The following BCAS3 variants were observed in gnomAD, a reference collection of about 807,000 sequenced individuals.
BCAS3 encodes BCAS3 microtubule associated cell migration factor, also known as BCAS4/BCAS3 fusion.
Under a neutral mutation model 116.1 loss-of-function variants are expected in BCAS3, and 53 were observed. That is an observed-to-expected ratio of 0.46 (90% CI 0.37 to 0.57). The LOEUF is 0.57. BCAS3 is among the 20% of genes least tolerant of loss of function. BCAS3 has a pLI of 0.00. For missense variants in BCAS3, 917 were observed against 1,165.4 expected, an observed-to-expected ratio of 0.79 and a Z score of 3.10; for synonymous variants, 391 against 408.2, an observed-to-expected ratio of 0.96 and a Z score of 0.51.
intron 4 of BCAS3, among the ~76,000 whole-genome samples, chr17:60,705,199 G>T (rs1346959728): frequency 6.6e-6 from 1 of 152,014 alleles, no homozygotes; most frequent in Non-Finnish European, 1.5e-5. Context: ...TGACTTACAG[G>T]ATTTACGATA....
chr17:60,814,306 T>TGC (rs1555731469), intron 7 of BCAS3, among the ~76,000 whole-genome samples: 38 of 148,192 alleles, frequency 2.6e-4, no homozygotes, highest in Non-Finnish European at 4.2e-4. Flanking sequence ...TGTGTGTGTG[T>TGC]GCGCGCGTGC....
At chr17:60,793,521 C>T (rs1357895982) in intron 6 of BCAS3, among the ~76,000 whole-genome samples, 2 of 152,154 alleles carry the variant, frequency 1.3e-5, no homozygotes, top group Non-Finnish European at 2.9e-5. Context: ...GTATACACTA[C>T]ACCATATTTG....
chr17:61,000,971 T>C lies in BCAS3; in HGVS notation c.1486+10736T>C, dbSNP rs2191184. Among the ~76,000 whole-genome samples, 1,069 of 152,276 alleles carry C rather than the reference T, an allele frequency of 7.0e-3. 8 individuals carry two copies. The highest frequency in any genetic ancestry group is 0.024 in the Middle Eastern group (7 of 294). Reference sequence around the variant, plus strand: ...CCATTTTAGGTTCAAAAATATAGAGTTCACTGTGTCATGGGACTTAGAAGG... The same window carrying C: ...CCATTTTAGGTTCAAAAATATAGAGCTCACTGTGTCATGGGACTTAGAAGG... On this transcript the variant is annotated intron_variant, in intron 15 of 23. Transcript: ENST00000407086.
At chr17:61,334,301 T>G (rs2056527973) in intron 22 of BCAS3, among the ~76,000 whole-genome samples, 1 of 152,216 alleles carries the variant, frequency 6.6e-6, no homozygotes, top group Non-Finnish European at 1.5e-5. Context: ...GGGCAAGTTA[T>G]GTAACTTCTC....
At chr17:61,201,183 C>T (rs2080795348) in intron 22 of BCAS3, among the ~76,000 whole-genome samples, 1 of 152,228 alleles carries the variant, frequency 6.6e-6, no homozygotes, top group African/African-American at 2.4e-5. Context: ...GACTACCTGG[C>T]ATTCGCAGGT....
At chr17:61,321,706 G>A (rs577073222) in intron 22 of BCAS3, among the ~76,000 whole-genome samples, 3 of 152,246 alleles carry the variant, frequency 2.0e-5, no homozygotes, top group South Asian at 2.1e-4. Flanking sequence ...CTAGGAAGGC[G>A]AGCCAGCAAA....
intron 8 of BCAS3, among the ~76,000 whole-genome samples, chr17:60,872,383 TA>T (rs1214770188): frequency 1.3e-5 from 2 of 151,632 alleles, no homozygotes; most frequent in Non-Finnish European, 2.9e-5. Flanking sequence ...TATCTGTATG[TA>T]TATACACACA....
At position 61,139,908 on chromosome 17, in the gene BCAS3, G is replaced by A. The variant is rs564974144; in HGVS notation, c.2425+55344G>A. The stretch of plus-strand genomic sequence containing the variant: ...AGGAATACGTGGAATTTTGGCAGGA[G>A]AAGATTGAGGAAAGGGATACCTACT... On this transcript the variant is annotated intron_variant, in intron 22 of 23. Transcript: ENST00000407086. The surrounding 1 kb of genome is among the most constrained non-coding windows in gnomAD (Gnocchi z 4.7). Among the ~76,000 whole-genome samples, 35 of 152,310 alleles carry A rather than the reference G, an allele frequency of 2.3e-4. No individual in the cohort carries two copies. Among genetic ancestry groups the A allele is most frequent in the African/African-American group, 8.4e-4 (35 of 41,576 alleles).
chr17:60,889,100 T>C (rs1010669807), intron 9 of BCAS3, among the ~76,000 whole-genome samples: 3 of 152,210 alleles, frequency 2.0e-5, no homozygotes, highest in Admixed American at 2.0e-4. Context: ...AACAATTAAC[T>C]GTTGTTATTG....
intron 23 of BCAS3, among the ~76,000 whole-genome samples, chr17:61,386,426 C>T (rs538553526): frequency 6.6e-6 from 1 of 152,364 alleles, no homozygotes; most frequent in Admixed American, 6.5e-5. Flanking sequence ...ATCCTACTCC[C>T]ACCAGTCAGC....
At position 61,017,288 on chromosome 17, in the gene BCAS3, CA is replaced by C. The variant is rs2065524178; in HGVS notation, c.1637+1392del. Among the ~76,000 whole-genome samples the C allele has an allele frequency of 6.6e-6, 1 of 151,898 alleles. No homozygotes were observed. The highest frequency in any genetic ancestry group is 6.6e-5 in the Admixed American group (1 of 15,244). On this transcript the variant is annotated intron_variant, in intron 16 of 23. Coordinates refer to ENST00000407086, the MANE Select transcript of BCAS3 (RefSeq NM_017679.5). The surrounding 1 kb of genome is among the most constrained non-coding windows in gnomAD (Gnocchi z 4.7). Reference sequence around the variant, plus strand: ...ATATTACATTCCTGGGATGTAGAATCAAAAATGGGACTAAATCTGGAATCAT... The same window carrying C: ...ATATTACATTCCTGGGATGTAGAATCAAAATGGGACTAAATCTGGAATCAT...
chr17:61,127,773 C>T (rs1196855194), intron 22 of BCAS3, among the ~76,000 whole-genome samples: 3 of 149,498 alleles, frequency 2.0e-5, no homozygotes, highest in Non-Finnish European at 4.4e-5. Flanking sequence ...TCCTCAGATC[C>T]TCTATATCCT....
chr17:61,280,110 C>T (rs58865574), intron 22 of BCAS3, among the ~76,000 whole-genome samples: 6,870 of 152,192 alleles, frequency 0.045, 514 homozygotes, highest in African/African-American at 0.16. Flanking sequence ...TCTTCTACTC[C>T]AAACCTCTTC....
intron 22 of BCAS3, among the ~76,000 whole-genome samples, chr17:61,103,535 G>A (rs551144618): frequency 6.6e-6 from 1 of 152,092 alleles, no homozygotes; most frequent in African/African-American, 2.4e-5. Context: ...TTTAACTTTA[G>A]TTATATTTGT....
intron 7 of BCAS3, among the ~76,000 whole-genome samples, chr17:60,840,933 G>T (rs2051842106): frequency 6.6e-6 from 1 of 152,022 alleles, no homozygotes; most frequent in African/African-American, 2.4e-5. Flanking sequence ...TCTCCCTATT[G>T]TCTCAATAAA....
At chr17:61,022,461 G>A (rs2065945016) in intron 16 of BCAS3, among the ~76,000 whole-genome samples, 1 of 152,036 alleles carries the variant, frequency 6.6e-6, no homozygotes, top group Non-Finnish European at 1.5e-5. Context: ...AGCCAGGATG[G>A]TCTCATTCTC....
chr17:60,685,205 G>A (rs915163169), intron 3 of BCAS3, among the ~76,000 whole-genome samples: 1 of 152,096 alleles, frequency 6.6e-6, no homozygotes, highest in African/African-American at 2.4e-5. Context: ...GGTGGCTCAC[G>A]CCTGTAATCC....
At position 61,380,633 on chromosome 17, in the gene BCAS3, CAA is replaced by C. The variant is rs1483109001; in HGVS notation, c.2594-11343_2594-11342del. On this transcript the variant is annotated intron_variant, in intron 23 of 23. Coordinates refer to ENST00000407086, the MANE Select transcript of BCAS3 (RefSeq NM_017679.5). This position sits in a 1 kb window ranked among gnomAD's most constrained non-coding sequence, Gnocchi z 4.2. Reference sequence around the variant, plus strand: ...TTGTCCCGTTGCTTCTTTTGTCCCTCAAGAGGGTGCCCTCCTACCCCCTCGTG... The same window carrying C: ...TTGTCCCGTTGCTTCTTTTGTCCCTCGAGGGTGCCCTCCTACCCCCTCGTG... The C allele has an allele frequency of 9.0e-5, 136 of 1,513,916 alleles. 1 individual carries two copies. In the Admixed American group the frequency reaches 2.3e-3, roughly 25 times the overall value. The allele number at this position is 1,513,916 out of a possible 1,614,324, so 93.8% of individuals were successfully genotyped here.
chr17:61,264,591 A>G (rs2049514362), intron 22 of BCAS3, among the ~76,000 whole-genome samples: 1 of 152,144 alleles, frequency 6.6e-6, no homozygotes, highest in Non-Finnish European at 1.5e-5. Context: ...TATTTTTAGA[A>G]GAGACAGAGT....
Sources: allele counts gnomAD v4.1 joint callset (sites outside exome capture counted in the v4.1 genomes callset), GRCh38; gene constraint gnomAD v4.1.1; non-coding constraint Gnocchi (gnomAD v3.1); transcripts MANE v1.5; gene names NCBI Gene and HGNC (gene_info 2026-07-23, HGNC 2026-07-21).